The following SLC24A2 variants were observed in gnomAD, a reference collection of about 807,000 sequenced individuals.
SLC24A2 encodes the protein solute carrier family 24 member 2.
SLC24A2 carries 36 observed loss-of-function variants against 62.0 expected under a neutral mutation model. The ratio of observed to expected loss-of-function variants is 0.58; its 90% CI spans 0.44 to 0.77. The LOEUF is 0.77. Among genes scored for constraint, SLC24A2 ranks in the 30% least tolerant of loss-of-function variants. SLC24A2 has a pLI of 0.00. For synonymous variants in SLC24A2, 358 were observed against 294.0 expected (o/e 1.22, Z -2.23); for missense variants, 846 against 817.9 (o/e 1.03, Z -0.42).
chr9:20,283,755 G>T, the SLC24A2 span, among the ~76,000 whole-genome samples: 3 of 144,802 alleles, frequency 2.1e-5, no homozygotes, highest in East Asian at 2.2e-4. Context: ...AAAAAAAGGG[G>T]GGGGGGGGCT....
the SLC24A2 span, among the ~76,000 whole-genome samples, chr9:20,051,681 G>A: frequency 4.2e-5 from 1 of 23,978 alleles, no homozygotes; most frequent in Non-Finnish European, 6.8e-5. Context: ...TTTTTTTTTG[G>A]TGCTTGCTCC....
chr9:19,934,695 T>C, the SLC24A2 span, among the ~76,000 whole-genome samples: 35,820 of 152,168 alleles, frequency 0.24, 4,527 homozygotes, highest in East Asian at 0.38. This position sits in a 1 kb window ranked among gnomAD's most constrained non-coding sequence, Gnocchi z 4.1. Flanking sequence ...GGCGAAGAGC[T>C]TTCCGAGAGG....
At chr9:19,683,378 G>A (rs1341517063) in intron 2 of SLC24A2, among the ~76,000 whole-genome samples, 1 of 152,132 alleles carries the variant, frequency 6.6e-6, no homozygotes, top group Non-Finnish European at 1.5e-5. Flanking sequence ...TTACATGGAT[G>A]TTGAGCGGTA....
the SLC24A2 span, among the ~76,000 whole-genome samples, chr9:20,190,984 GCTCT>G: frequency 6.6e-6 from 1 of 152,138 alleles, no homozygotes; most frequent in East Asian, 1.9e-4. Flanking sequence ...CAAGGAGCTT[GCTCT>G]CTAACAGCAA....
chr9:19,916,979 C>CTTTTTTTT, the SLC24A2 span, among the ~76,000 whole-genome samples: 1 of 21,050 alleles, frequency 4.8e-5, no homozygotes, highest in Non-Finnish European at 1.3e-4. Context: ...AATAACTTAC[C>CTTTTTTTT]TGTTTTTTTT....
chr9:19,672,862 T>C (rs1179354298), intron 2 of SLC24A2, among the ~76,000 whole-genome samples: 1 of 146,476 alleles, frequency 6.8e-6, no homozygotes. Context: ...TCTTTTGGAG[T>C]TGATTTCCAA....
chr9:19,750,791 A>G (rs1180918273), intron 2 of SLC24A2, among the ~76,000 whole-genome samples: 1 of 151,890 alleles, frequency 6.6e-6, no homozygotes, highest in Non-Finnish European at 1.5e-5. Context: ...TCCCCCAACA[A>G]CAGATGGTGC....
chr9:20,055,885 T>C, the SLC24A2 span, among the ~76,000 whole-genome samples: 2 of 151,934 alleles, frequency 1.3e-5, no homozygotes, highest in East Asian at 1.9e-4. Context: ...TGAGACTCTG[T>C]CTCCAAAATA....
At chr9:19,992,507 A>C in the SLC24A2 span, among the ~76,000 whole-genome samples, 2 of 152,204 alleles carry the variant, frequency 1.3e-5, no homozygotes, top group Admixed American at 1.3e-4. Flanking sequence ...GTTCCATTCA[A>C]ATTGGCTAGT....
At chr9:19,964,163 G>A in the SLC24A2 span, among the ~76,000 whole-genome samples, 4 of 137,008 alleles carry the variant, frequency 2.9e-5, no homozygotes, top group Non-Finnish European at 6.1e-5. Context: ...GATGAGAATT[G>A]AACAATGAGA....
intron 8 of SLC24A2, among the ~76,000 whole-genome samples, chr9:19,546,447 C>A (rs1186116220): frequency 6.6e-6 from 1 of 152,082 alleles, no homozygotes; most frequent in East Asian, 1.9e-4. Context: ...GCAGTGGGCT[C>A]CACCCAGTTT....
chr9:19,532,428 G>C (rs916501573), intron 8 of SLC24A2, among the ~76,000 whole-genome samples: 2 of 152,106 alleles, frequency 1.3e-5, no homozygotes, highest in Non-Finnish European at 1.5e-5. Context: ...TAAATTATTT[G>C]AGGCCGAATA....
intron 8 of SLC24A2, among the ~76,000 whole-genome samples, chr9:19,530,222 T>G (rs1277355911): frequency 3.3e-5 from 5 of 152,096 alleles, no homozygotes; most frequent in Non-Finnish European, 7.3e-5. Flanking sequence ...AGTCACTGTT[T>G]CAGGATCCTA....
intron 2 of SLC24A2, among the ~76,000 whole-genome samples, chr9:19,709,819 G>A (rs996296616): frequency 1.3e-5 from 2 of 151,466 alleles, no homozygotes; most frequent in Non-Finnish European, 2.9e-5. Context: ...GTTAATGGGT[G>A]CAGCACAACA....
At chr9:19,627,832 C>A (rs1477509519) in intron 2 of SLC24A2, among the ~76,000 whole-genome samples, 1 of 152,194 alleles carries the variant, frequency 6.6e-6, no homozygotes, top group East Asian at 1.9e-4. Context: ...CTGTTCCCAG[C>A]CTATCTACTT....
At chr9:19,623,188 C>T (rs561357555) in intron 2 of SLC24A2, among the ~76,000 whole-genome samples, 5 of 152,318 alleles carry the variant, frequency 3.3e-5, no homozygotes, top group South Asian at 2.1e-4. Flanking sequence ...ATCTTTCCAA[C>T]GAGATACAGG....
At chr9:19,591,237 C>T (rs1046200563) in intron 5 of SLC24A2, among the ~76,000 whole-genome samples, 1 of 152,202 alleles carries the variant, frequency 6.6e-6, no homozygotes, top group East Asian at 1.9e-4. Flanking sequence ...CCACCACTTT[C>T]TCAACATCTC....
chr9:20,018,620 A>G, the SLC24A2 span, among the ~76,000 whole-genome samples: 1 of 152,180 alleles, frequency 6.6e-6, no homozygotes. Context: ...AAAATTATAA[A>G]CATAAAAAGT....
At chr9:19,533,162 T>G (rs568915081) in intron 8 of SLC24A2, among the ~76,000 whole-genome samples, 1 of 152,306 alleles carries the variant, frequency 6.6e-6, no homozygotes, top group African/African-American at 2.4e-5. Flanking sequence ...ACTATAAGTA[T>G]ACATGAAAAA....
Sources: allele counts gnomAD v4.1 joint callset (sites outside exome capture counted in the v4.1 genomes callset), GRCh38; gene constraint gnomAD v4.1.1; non-coding constraint Gnocchi (gnomAD v3.1); transcripts MANE v1.5; gene names NCBI Gene and HGNC (gene_info 2026-07-23, HGNC 2026-07-21).